Variants in DIAPH2 observed in about 807,000 individuals in gnomAD.
DIAPH2 encodes the protein protein diaphanous homolog 2.
In DIAPH2, 35 loss-of-function variants were observed where a neutral mutation model predicts 92.7. The observed-to-expected ratio is 0.38, with a 90% confidence interval of 0.29 to 0.50. DIAPH2 has a LOEUF of 0.50. Among genes scored for constraint, DIAPH2 ranks in the 20% least tolerant of loss-of-function variants. The pLI is 0.94. For missense variants in DIAPH2, 701 were observed against 819.5 expected, an observed-to-expected ratio of 0.86 and a Z score of 1.77; for synonymous variants, 301 against 280.4, an observed-to-expected ratio of 1.07 and a Z score of -0.73.
chrX:97,287,179 C>T (rs1377678184), intron 23 of DIAPH2, among the ~76,000 whole-genome samples: 1 of 110,931 alleles, frequency 9.0e-6, no homozygotes, highest in African/African-American at 3.3e-5. Context: ...TGTGGCCATG[C>T]GTGCCTGTAA....
chrX:97,563,005 A>G (rs186394985), intron 26 of DIAPH2, among the ~76,000 whole-genome samples: 17 of 112,562 alleles, frequency 1.5e-4, no homozygotes, highest in African/African-American at 5.5e-4. Context: ...TTCTGTTGAA[A>G]TGTCCACAGG....
At chrX:97,175,696 G>C (rs1213995959) in intron 22 of DIAPH2, among the ~76,000 whole-genome samples, 1 of 111,739 alleles carries the variant, frequency 8.9e-6, no homozygotes, top group African/African-American at 3.3e-5. Flanking sequence ...CCCAACCCTT[G>C]GTCATTTCTA....
intron 22 of DIAPH2, among the ~76,000 whole-genome samples, chrX:97,153,525 C>A (rs775617066): frequency 9.0e-6 from 1 of 110,810 alleles, no homozygotes; most frequent in African/African-American, 3.3e-5. Flanking sequence ...GTGGAGGTTG[C>A]AATGAGCCGA....
chrX:97,302,138 G>A (rs1393212684), intron 23 of DIAPH2, among the ~76,000 whole-genome samples: 2 of 104,484 alleles, frequency 1.9e-5, no homozygotes, highest in Non-Finnish European at 3.9e-5. Context: ...ACTTGAACCC[G>A]GGAGGCAGAG....
chrX:97,553,667 TA>T (rs370885893), intron 26 of DIAPH2, among the ~76,000 whole-genome samples: 4,261 of 86,817 alleles, frequency 0.049, 246 homozygotes, highest in African/African-American at 0.15. Flanking sequence ...GTGAGTAGGT[TA>T]AAAAAAAAAA....
At chrX:97,582,625 G>A (rs867078102) in intron 26 of DIAPH2, among the ~76,000 whole-genome samples, 11 of 107,379 alleles carry the variant, frequency 1.0e-4, no homozygotes, top group African/African-American at 2.7e-4. Flanking sequence ...CTTCATTTCA[G>A]CTTTGGTGAA....
At chrX:97,556,075 A>G (rs2071254811) in intron 26 of DIAPH2, among the ~76,000 whole-genome samples, 1 of 111,807 alleles carries the variant, frequency 8.9e-6, no homozygotes, top group Admixed American at 9.5e-5. Context: ...TGTGGCCTCA[A>G]GATCTCCCCT....
chrX:96,749,245 A>G (rs181128848), intron 3 of DIAPH2, among the ~76,000 whole-genome samples: 1 of 108,849 alleles, frequency 9.2e-6, no homozygotes, highest in African/African-American at 3.3e-5. Flanking sequence ...GTACATTACA[A>G]AATATACACA....
chrX:97,189,431 C>A (rs1237782230), intron 22 of DIAPH2, among the ~76,000 whole-genome samples: 28 of 80,766 alleles, frequency 3.5e-4, no homozygotes, highest in African/African-American at 1.3e-3. Context: ...AATCAGTCGT[C>A]CCCCCCCCTC....
At chrX:97,394,177 A>G (rs901378475) in intron 25 of DIAPH2, among the ~76,000 whole-genome samples, 2 of 112,020 alleles carry the variant, frequency 1.8e-5, no homozygotes, top group Non-Finnish European at 3.8e-5. Context: ...ATAGATTAGA[A>G]AACTCACAAA....
At chrX:97,024,721 A>G (rs919586913) in intron 17 of DIAPH2, among the ~76,000 whole-genome samples, 25 of 112,502 alleles carry the variant, frequency 2.2e-4, no homozygotes, top group African/African-American at 7.4e-4. Flanking sequence ...TATGAAAGGC[A>G]TATCATTAAA....
At chrX:96,825,004 G>A (rs1479290886) in intron 4 of DIAPH2, among the ~76,000 whole-genome samples, 1 of 104,795 alleles carries the variant, frequency 9.5e-6, no homozygotes, top group Non-Finnish European at 1.9e-5. Flanking sequence ...GGAGTGCATT[G>A]GCGTGATCTC....
At chrX:97,325,518 GCCTT>G (rs1280937979) in intron 23 of DIAPH2, among the ~76,000 whole-genome samples, 1 of 108,922 alleles carries the variant, frequency 9.2e-6, no homozygotes, top group Non-Finnish European at 1.9e-5. Flanking sequence ...ACCAAGTTTT[GCCTT>G]TTTTAGTTTT....
At chrX:97,370,425 A>G (rs2069436523) in intron 24 of DIAPH2, among the ~76,000 whole-genome samples, 1 of 112,174 alleles carries the variant, frequency 8.9e-6, no homozygotes, top group Admixed American at 9.5e-5. Flanking sequence ...AAGAACATAC[A>G]TAAATTCACT....
At chrX:97,524,122 A>G (rs1375664918) in intron 26 of DIAPH2, among the ~76,000 whole-genome samples, 1 of 111,608 alleles carries the variant, frequency 9.0e-6, no homozygotes, top group Non-Finnish European at 1.9e-5. Flanking sequence ...TTATTTGTTC[A>G]TCATTTGTCT....
chrX:97,254,942 G>C (rs2068224260), intron 23 of DIAPH2, among the ~76,000 whole-genome samples: 1 of 110,455 alleles, frequency 9.1e-6, no homozygotes, highest in African/African-American at 3.3e-5. Flanking sequence ...CTGACCTTGT[G>C]ACCCACCCGC....
intron 26 of DIAPH2, among the ~76,000 whole-genome samples, chrX:97,491,537 A>T (rs1003453778): frequency 9.0e-6 from 1 of 110,760 alleles, no homozygotes; most frequent in East Asian, 2.8e-4. Flanking sequence ...CAGCCTCCCA[A>T]GTAGCTGGGA....
chrX:97,052,064 C>G (rs1218722794), intron 17 of DIAPH2, among the ~76,000 whole-genome samples: 1 of 111,301 alleles, frequency 9.0e-6, no homozygotes, highest in Non-Finnish European at 1.9e-5. Context: ...TGGACCCTTA[C>G]ATGTAGGAGC....
At chrX:96,762,113 A>G (rs1483594907) in intron 4 of DIAPH2, among the ~76,000 whole-genome samples, 1 of 111,784 alleles carries the variant, frequency 8.9e-6, no homozygotes, top group Non-Finnish European at 1.9e-5. Flanking sequence ...AATAACTGCT[A>G]TCGGATTAAT....
Sources: allele counts gnomAD v4.1 joint callset (sites outside exome capture counted in the v4.1 genomes callset), GRCh38; gene constraint gnomAD v4.1.1; transcripts MANE v1.5; gene names NCBI Gene and HGNC (gene_info 2026-07-23, HGNC 2026-07-21).